Variants in CDH23 observed in about 807,000 individuals in gnomAD.
CDH23 encodes the protein cadherin-23.
In CDH23, 189 loss-of-function variants were observed where a neutral mutation model predicts 317.1. The observed-to-expected ratio is 0.60, with a 90% CI of 0.53 to 0.67. CDH23 has a LOEUF of 0.67. Among genes scored for constraint, CDH23 ranks in the 30% least tolerant of loss-of-function variants. The pLI, the probability that CDH23 is intolerant of heterozygous loss-of-function variation, is 0.00. For synonymous variants in CDH23, 1,839 were observed against 1,876.8 expected (o/e 0.98, Z 0.52); for missense variants, 4,401 against 4,592.4 (o/e 0.96, Z 1.20).
Position 71,567,860 on chromosome 10 carries a change from G to A in CDH23, c.624+924G>A, listed in dbSNP as rs376385533. Among the ~76,000 whole-genome samples, 234 of 152,294 alleles carry A rather than the reference G, an allele frequency of 1.5e-3. 2 individuals are homozygous for A. Among genetic ancestry groups the A allele is most frequent in the African/African-American group, 5.6e-3 (234 of 41,552 alleles). ...CTTAGATTCTGTTGACAAAGCTTAC[G>A]CCAAGAGCAAAAAAACATGGGAGTC... On this transcript the variant is annotated intron_variant, in intron 7 of 69. Transcript: ENST00000224721.
intron 9 of CDH23, 49 bp from the exon 10 acceptor site, chr10:71,615,454 GC>G: frequency 4.5e-6 from 6 of 1,343,972 alleles, no homozygotes; most frequent in Non-Finnish European, 4.3e-6. Context: ...CCAGCTCCAT[GC>G]CCCCCTGCCC....
chr10:71,481,791 A>G (rs752043046), intron 3 of CDH23, among the ~76,000 whole-genome samples: 1 of 152,234 alleles, frequency 6.6e-6, no homozygotes, highest in Non-Finnish European at 1.5e-5. Context: ...TCGCAGAGCT[A>G]ACCCTTGAGA....
intron 38 of CDH23, among the ~76,000 whole-genome samples, chr10:71,764,791 T>G (rs570297225): frequency 1.4e-3 from 217 of 152,350 alleles, no homozygotes; most frequent in African/African-American, 4.7e-3. Flanking sequence ...GGGACTCTAC[T>G]GCCCAAACCC....
Position 71,546,871 on chromosome 10 carries a change from G to T in CDH23, c.430-19871G>T, listed in dbSNP as rs901576494. On this transcript the variant is annotated intron_variant, in intron 6 of 69. Transcript: ENST00000224721. ...AGTGTGCCTCCACTTCCCAGCAGGG[G>T]CTAGGACACAGTGCTCGGTGAATAT... 6.6e-5 allele frequency among the ~76,000 whole-genome samples: 10 copies of T among 152,304 alleles called. 1 individual carries two copies. Among genetic ancestry groups the T allele is most frequent in the Admixed American group, 4.6e-4 (7 of 15,308 alleles).
chr10:71,636,716 G>C (rs894824082), intron 11 of CDH23, among the ~76,000 whole-genome samples: 1 of 152,184 alleles, frequency 6.6e-6, no homozygotes, highest in African/African-American at 2.4e-5. Flanking sequence ...GCTTGGGGAG[G>C]GGACATAGGT....
chr10:71,706,932 C>T lies in CDH23; in HGVS notation c.2989C>T (p.Pro997Ser). 1 of 1,605,910 alleles carries T rather than the reference C, an allele frequency of 6.2e-7. No individual in the cohort carries two copies. Among genetic ancestry groups the T allele is most frequent in the Non-Finnish European group, 8.5e-7 (1 of 1,176,634 alleles). The change falls in exon 26 of 70, where the codon CCG becomes TCG. Residue 997 changes from proline (P) to serine (S), a missense_variant. Transcript: ENST00000224721. ...GAACGACGAGACGCCCACCTTCTTC[C>T]CGGCCGTGTACAATGTGTCTGTGTC... ...DVNDETPTFF[P>S]AVYNVSVSED... is the part of the protein sequence containing the mutation.
intron 18 of CDH23, among the ~76,000 whole-genome samples, chr10:71,684,694 G>A (rs369519570): frequency 2.6e-5 from 4 of 152,248 alleles, no homozygotes; most frequent in African/African-American, 9.6e-5. Flanking sequence ...ATGCATAGCA[G>A]CAGCCGCACC....
intron 38 of CDH23, among the ~76,000 whole-genome samples, chr10:71,770,053 C>T (rs1458750388): frequency 3.3e-5 from 5 of 152,224 alleles, no homozygotes; most frequent in Non-Finnish European, 5.9e-5. Context: ...GCAGCCCATG[C>T]ACCCTTCATA....
intron 22 of CDH23, among the ~76,000 whole-genome samples, chr10:71,700,864 C>T (rs1041167845): frequency 2.0e-5 from 3 of 152,210 alleles, no homozygotes; most frequent in African/African-American, 4.8e-5. Context: ...GGTCTGGTGG[C>T]CCCAGAGACA....
At chr10:71,434,240 T>C (rs1321974646) in intron 1 of CDH23, among the ~76,000 whole-genome samples, 1 of 152,228 alleles carries the variant, frequency 6.6e-6, no homozygotes, top group Admixed American at 6.5e-5. Flanking sequence ...AGCTGGTTCC[T>C]GCACTGCTCC....
At chr10:71,631,531 G>A (rs1451092926) in intron 11 of CDH23, among the ~76,000 whole-genome samples, 1 of 152,226 alleles carries the variant, frequency 6.6e-6, no homozygotes, top group African/African-American at 2.4e-5. Flanking sequence ...TCTTTCAGTA[G>A]TGGCAAATTA....
chr10:71,711,022 A>G (rs999250233), intron 27 of CDH23, among the ~76,000 whole-genome samples: 1 of 152,090 alleles, frequency 6.6e-6, no homozygotes, highest in African/African-American at 2.4e-5. Flanking sequence ...CAGTGAGCTG[A>G]GTAAGAAGGG....
Position 71,510,241 on chromosome 10 carries a change from C to T in CDH23, c.288+17C>T. ...GACAGAGAGGTATGACTTGCCCATA[C>T]CCCTGCCCCAATTCTCTCCTGGGGA... is the stretch of plus-strand genomic sequence containing the variant. On this transcript the variant is annotated intron_variant, in intron 4 of 69. Coordinates refer to ENST00000224721, the MANE Select transcript of CDH23 (RefSeq NM_022124.6). 1 of 1,610,830 alleles carries T rather than the reference C, an allele frequency of 6.2e-7. No homozygotes were observed. Among genetic ancestry groups the T allele is most frequent in the Non-Finnish European group, 8.5e-7 (1 of 1,178,456 alleles).
chr10:71,796,865 G>A, intron 48 of CDH23: 1 of 448,160 alleles, frequency 2.2e-6, no homozygotes, highest in Non-Finnish European at 4.1e-6. Flanking sequence ...ACACAGAGGT[G>A]CAGAGAGGTG....
chr10:71,461,933 G>A (rs1851011988), intron 3 of CDH23, among the ~76,000 whole-genome samples: 1 of 119,952 alleles, frequency 8.3e-6, no homozygotes, highest in South Asian at 2.7e-4. Flanking sequence ...TAGGACCGCT[G>A]CCCTGGCCAT....
At chr10:71,421,140 G>T (rs776807145) in intron 1 of CDH23, among the ~76,000 whole-genome samples, 7 of 152,208 alleles carry the variant, frequency 4.6e-5, no homozygotes, top group Non-Finnish European at 7.3e-5. Flanking sequence ...CTCCTCATAG[G>T]AAAGATGAAG....
rs769181030 is a variant in CDH23, at chr10:71,812,001, G to A, written c.9366G>A (p.Lys3122=). 1.2e-6 allele frequency: 2 copies of A among 1,610,658 alleles called. No individual in the cohort carries two copies. Among genetic ancestry groups the A allele is most frequent in the South Asian group, 1.1e-5 (1 of 91,044 alleles). ...IDIMDMPNTN[K]YSFDGANPVW... ...TCATGGACATGCCTAACACCAACAA[G>A]TACTCCTTTGATGGGTGAGTGGGGT... The change falls in exon 66 of 70, where the codon AAG becomes AAA. Residue 3122 remains lysine (K), a synonymous_variant. Transcript: ENST00000224721.
chr10:71,439,738 CT>C, intron 1 of CDH23, 88 bp from the exon 2 acceptor site: 1 of 922,886 alleles, frequency 1.1e-6, no homozygotes, highest in Non-Finnish European at 1.7e-6. Context: ...CCAGTTCTCT[CT>C]GGAGCTGCAG....
intron 28 of CDH23, among the ~76,000 whole-genome samples, chr10:71,718,918 A>G (rs1205622499): frequency 6.6e-6 from 1 of 151,790 alleles, no homozygotes; most frequent in Non-Finnish European, 1.5e-5. Context: ...AAAAAAAAAA[A>G]GGTTTTTTAA....
Sources: allele counts gnomAD v4.1 joint callset (sites outside exome capture counted in the v4.1 genomes callset), GRCh38; gene constraint gnomAD v4.1.1; transcripts MANE v1.5; gene names NCBI Gene and HGNC (gene_info 2026-07-23, HGNC 2026-07-21).